Variants in GHR observed in about 807,000 individuals in gnomAD.
The protein encoded by GHR is GH receptor.
GHR carries 35 observed loss-of-function variants against 67.1 expected under a neutral mutation model. The ratio of observed to expected loss-of-function variants is 0.52; its 90% confidence interval spans 0.40 to 0.69. The LOEUF (loss-of-function observed/expected upper bound fraction) is 0.69, where lower values mean the gene tolerates loss of function less well. Ranked by LOEUF, GHR falls within the 30% of genes least tolerant of loss-of-function variation. The pLI, the probability that GHR is intolerant of heterozygous loss-of-function variation, is 0.00. For missense variants in GHR, 792 were observed against 764.6 expected, an observed-to-expected ratio of 1.04 and a Z score of -0.42; for synonymous variants, 272 against 269.1, an observed-to-expected ratio of 1.01 and a Z score of -0.10.
chr5:42,620,796 A>T lies in GHR; in HGVS notation c.71-8242A>T, dbSNP rs180881166. Among the ~76,000 whole-genome samples the T allele has an allele frequency of 1.0e-3, 155 of 152,274 alleles. 2 individuals are homozygous for T. The highest frequency in any genetic ancestry group is 3.5e-3 in the African/African-American group (147 of 41,554). ...GAGTCACCAGCTGAGCTCCAGACTT[A>T]ATTAAATCAACCTCCTCACTACTAT... On this transcript the variant is annotated intron_variant, in intron 2 of 9. Coordinates refer to ENST00000230882, the MANE Select transcript of GHR (RefSeq NM_000163.5).
intron 5 of GHR, 147 bp from the exon 6 acceptor site, chr5:42,699,677 T>A: frequency 1.5e-6 from 1 of 673,510 alleles, no homozygotes; most frequent in Admixed American, 2.4e-5. Context: ...TCTTATAAAG[T>A]GAAAGTTATA....
intron 1 of GHR, among the ~76,000 whole-genome samples, chr5:42,476,146 G>A (rs1435246755): frequency 1.3e-5 from 2 of 151,762 alleles, no homozygotes; most frequent in Non-Finnish European, 2.9e-5. Flanking sequence ...CTCGTGATTT[G>A]CCCGCCTCAG....
intron 6 of GHR, among the ~76,000 whole-genome samples, chr5:42,701,603 T>C (rs1306943118): frequency 1.3e-5 from 2 of 152,158 alleles, no homozygotes; most frequent in East Asian, 3.8e-4. Context: ...TGAGGCAAGC[T>C]TGTCGCTTCA....
At chr5:42,622,801 T>C (rs1200211187) in intron 2 of GHR, among the ~76,000 whole-genome samples, 1 of 152,180 alleles carries the variant, frequency 6.6e-6, no homozygotes, top group Non-Finnish European at 1.5e-5. Context: ...AGAACTGGGA[T>C]TGGCTGCATT....
intron 1 of GHR, among the ~76,000 whole-genome samples, chr5:42,466,639 T>C (rs1744745747): frequency 1.3e-5 from 2 of 152,230 alleles, no homozygotes; most frequent in African/African-American, 4.8e-5. Flanking sequence ...CTACATTCCA[T>C]TTCAGAAAAC....
Position 42,607,715 on chromosome 5 carries a change from G to A in GHR, c.71-21323G>A, listed in dbSNP as rs146155058. Among the ~76,000 whole-genome samples, 573 of 152,272 alleles carry A rather than the reference G, an allele frequency of 3.8e-3. 5 individuals carry two copies. The highest frequency in any genetic ancestry group is 0.013 in the African/African-American group (556 of 41,556). ...GATTTGGGATAGAAGAAGGGGCTGGGATTTGGGAAGACAAAACAAAAGAAG... is the reference window on the plus strand; with the variant it reads ...GATTTGGGATAGAAGAAGGGGCTGGAATTTGGGAAGACAAAACAAAAGAAG... On this transcript the variant is annotated intron_variant, in intron 2 of 9. Coordinates refer to ENST00000230882, the MANE Select transcript of GHR (RefSeq NM_000163.5).
At chr5:42,489,304 C>G (rs1348764484) in intron 1 of GHR, among the ~76,000 whole-genome samples, 1 of 152,038 alleles carries the variant, frequency 6.6e-6, no homozygotes, top group African/African-American at 2.4e-5. Context: ...ATAGATTCTT[C>G]AACGCTCTTA....
In GHR at chr5:42,644,780, T is replaced by C. The variant is rs181815251; in HGVS notation, c.136+15677T>C. On this transcript the variant is annotated intron_variant, in intron 3 of 9. Transcript: ENST00000230882. The stretch of plus-strand genomic sequence containing the variant: ...CTATATGTTGATAATTGTTGAACCT[T>C]GGTGATGAACATATAGGAATTAATT... Among the ~76,000 whole-genome samples, 36 of 152,246 alleles carry C rather than the reference T, an allele frequency of 2.4e-4. 4 individuals carry two copies. The highest frequency in any genetic ancestry group is 8.2e-4 in the African/African-American group (34 of 41,556).
chr5:42,427,316 G>A lies in GHR; in HGVS notation c.-12+3361G>A, dbSNP rs138415605. Among the ~76,000 whole-genome samples the A allele has an allele frequency of 3.1e-3, 478 of 152,306 alleles. 2 individuals are homozygous for A. The highest frequency in any genetic ancestry group is 0.011 in the African/African-American group (464 of 41,566). On this transcript the variant is annotated intron_variant, in intron 1 of 9. Transcript: ENST00000230882. ...GCTGGGGAGGCCTCACAATCATGGCGGAAGGTGAAGGAGGAGCAAAGGCAT... is the reference window on the plus strand; with the variant it reads ...GCTGGGGAGGCCTCACAATCATGGCAGAAGGTGAAGGAGGAGCAAAGGCAT...
At chr5:42,465,627 C>T in intron 1 of GHR, 8 of 990,098 alleles carry the variant, frequency 8.1e-6, no homozygotes, top group Non-Finnish European at 1.3e-5. Flanking sequence ...GTTAATTCAT[C>T]TTTGACAATT....
chr5:42,636,066 C>T lies in GHR; in HGVS notation c.136+6963C>T, dbSNP rs1431392791. 4.0e-5 allele frequency among the ~76,000 whole-genome samples: 6 copies of T among 151,610 alleles called. No individual in the cohort carries two copies. In the East Asian group the frequency reaches 7.8e-4, roughly 20 times the overall value. ...TCTACTAAAAATACAAAAAATTAGC[C>T]GGGCGTGGTGGCGGGCGCCTGTAGT... On this transcript the variant is annotated intron_variant, in intron 3 of 9. Transcript: ENST00000230882.
At chr5:42,454,118 G>A (rs1017155349) in intron 1 of GHR, among the ~76,000 whole-genome samples, 20 of 152,140 alleles carry the variant, frequency 1.3e-4, no homozygotes, top group Admixed American at 5.9e-4. Flanking sequence ...TGGTGCTGGC[G>A]AATGTCTGCA....
chr5:42,450,966 T>G (rs193107139), intron 1 of GHR, among the ~76,000 whole-genome samples: 19 of 152,322 alleles, frequency 1.2e-4, no homozygotes, highest in Non-Finnish European at 2.4e-4. Context: ...TTAATTTTCA[T>G]TTTTATTCCG....
At chr5:42,429,632 T>G (rs955903143) in intron 1 of GHR, among the ~76,000 whole-genome samples, 6 of 152,240 alleles carry the variant, frequency 3.9e-5, no homozygotes, top group Non-Finnish European at 7.3e-5. Context: ...AAACATTTTT[T>G]CATGCCTGAA....
intron 1 of GHR, among the ~76,000 whole-genome samples, chr5:42,474,886 CTTTT>C (rs577382742): frequency 0.18 from 21,726 of 121,580 alleles, 1,724 homozygotes; most frequent in Middle Eastern, 0.31. Context: ...TTTTTTTGCC[CTTTT>C]TTTTTTTTTT....
chr5:42,638,009 G>A (rs1394209866), intron 3 of GHR, among the ~76,000 whole-genome samples: 2 of 152,092 alleles, frequency 1.3e-5, no homozygotes, highest in Non-Finnish European at 2.9e-5. Context: ...GTGCGATTTC[G>A]GCTCACTGCA....
chr5:42,556,319 T>A (rs1250618854), intron 1 of GHR, among the ~76,000 whole-genome samples: 1 of 152,204 alleles, frequency 6.6e-6, no homozygotes, highest in East Asian at 1.9e-4. Flanking sequence ...AGATAATGAA[T>A]GTTTTTGTTT....
chr5:42,544,120 T>C (rs1257789069), intron 1 of GHR, among the ~76,000 whole-genome samples: 1 of 152,084 alleles, frequency 6.6e-6, no homozygotes, highest in Non-Finnish European at 1.5e-5. Context: ...TCAAGCTGAT[T>C]AAAATGCTCT....
At chr5:42,650,354 C>G (rs556098901) in intron 3 of GHR, among the ~76,000 whole-genome samples, 1 of 152,100 alleles carries the variant, frequency 6.6e-6, no homozygotes, top group African/African-American at 2.4e-5. Flanking sequence ...TAGTACCAAC[C>G]AGTTCTAGAT....
Sources: allele counts gnomAD v4.1 joint callset (sites outside exome capture counted in the v4.1 genomes callset), GRCh38; gene constraint gnomAD v4.1.1; transcripts MANE v1.5; gene names NCBI Gene and HGNC (gene_info 2026-07-23, HGNC 2026-07-21).